The following CMTM8 variants were observed in gnomAD, a reference collection of about 807,000 sequenced individuals.
CMTM8 encodes the protein CKLF like MARVEL transmembrane domain containing 8.
Under a neutral mutation model 18.6 loss-of-function variants are expected in CMTM8, and 12 were observed. That is an observed-to-expected ratio of 0.65 (90% CI 0.41 to 1.05). CMTM8 has a LOEUF of 1.05. CMTM8 is among the 50% of genes least tolerant of loss of function. CMTM8 has a pLI of 0.00. For synonymous variants in CMTM8, 87 were observed against 90.6 expected (o/e 0.96, Z 0.23); for missense variants, 217 against 227.2 (o/e 0.95, Z 0.29).
At chr3:32,283,580 C>T (rs1702636639) in intron 1 of CMTM8, among the ~76,000 whole-genome samples, 1 of 152,180 alleles carries the variant, frequency 6.6e-6, no homozygotes, top group South Asian at 2.1e-4. Flanking sequence ...CTAGGCATTT[C>T]AGGCCGGGCA....
intron 1 of CMTM8, among the ~76,000 whole-genome samples, chr3:32,240,858 G>A (rs890015009): frequency 6.6e-6 from 1 of 152,100 alleles, no homozygotes; most frequent in Non-Finnish European, 1.5e-5. Context: ...CACCATCATG[G>A]TTCACTGCCG....
intron 1 of CMTM8, among the ~76,000 whole-genome samples, chr3:32,310,764 A>G (rs972351421): frequency 6.6e-6 from 1 of 152,246 alleles, no homozygotes; most frequent in African/African-American, 2.4e-5. Flanking sequence ...TTTTCAGGTT[A>G]TACAAGTATA....
chr3:32,362,046 CT>C (rs60064096), intron 2 of CMTM8, among the ~76,000 whole-genome samples: 3 of 92,070 alleles, frequency 3.3e-5, no homozygotes, highest in East Asian at 6.2e-4. Flanking sequence ...ATTTTCTTTT[CT>C]TTTTTTTTTT....
intron 2 of CMTM8, among the ~76,000 whole-genome samples, chr3:32,364,110 C>A (rs997841666): frequency 1.3e-5 from 2 of 152,190 alleles, no homozygotes; most frequent in Admixed American, 6.5e-5. Context: ...GTGGCTCATG[C>A]CTTGTAATCC....
chr3:32,244,335 A>G (rs1300747543), intron 1 of CMTM8, among the ~76,000 whole-genome samples: 2 of 152,188 alleles, frequency 1.3e-5, no homozygotes, highest in Non-Finnish European at 2.9e-5. Context: ...GATTACAGAC[A>G]TGCACTGCCA....
intron 1 of CMTM8, among the ~76,000 whole-genome samples, chr3:32,246,244 C>A (rs946059617): frequency 3.8e-4 from 57 of 151,632 alleles, no homozygotes; most frequent in African/African-American, 1.3e-3. Flanking sequence ...TATTAAGGGC[C>A]CCCCTGCCAT....
chr3:32,277,011 A>G (rs965038318), intron 1 of CMTM8, among the ~76,000 whole-genome samples: 3 of 151,812 alleles, frequency 2.0e-5, no homozygotes, highest in African/African-American at 2.4e-5. Context: ...CGACCTCCCA[A>G]TAAGCTGGGA....
intron 1 of CMTM8, among the ~76,000 whole-genome samples, chr3:32,299,107 C>T (rs1404187437): frequency 1.3e-5 from 2 of 151,510 alleles, no homozygotes; most frequent in African/African-American, 2.4e-5. Context: ...GCTTCAAATC[C>T]CTCTTGGGAT....
intron 1 of CMTM8, among the ~76,000 whole-genome samples, chr3:32,285,226 G>T (rs894175540): frequency 6.6e-6 from 1 of 152,116 alleles, no homozygotes; most frequent in African/African-American, 2.4e-5. Context: ...AATAATAGTG[G>T]TGCAGTGGCT....
chr3:32,268,446 G>C (rs989787851), intron 1 of CMTM8, among the ~76,000 whole-genome samples: 1 of 152,154 alleles, frequency 6.6e-6, no homozygotes, highest in African/African-American at 2.4e-5. Flanking sequence ...GCCTGTTGTG[G>C]GGTAGGGGGA....
chr3:32,258,788 T>G (rs1702209931), intron 1 of CMTM8, among the ~76,000 whole-genome samples: 2 of 152,188 alleles, frequency 1.3e-5, no homozygotes, highest in Non-Finnish European at 2.9e-5. Flanking sequence ...CATAGTGACT[T>G]TATTTACAAA....
intron 1 of CMTM8, among the ~76,000 whole-genome samples, chr3:32,287,130 A>G (rs769793884): frequency 3.9e-5 from 6 of 152,240 alleles, no homozygotes; most frequent in Admixed American, 1.3e-4. Context: ...TACTGACCCA[A>G]TCCATTACAA....
At chr3:32,289,397 T>TC (rs1702742658) in intron 1 of CMTM8, among the ~76,000 whole-genome samples, 1 of 152,130 alleles carries the variant, frequency 6.6e-6, no homozygotes, top group African/African-American at 2.4e-5. Flanking sequence ...TGATGACTTT[T>TC]CCCCAAATGA....
chr3:32,332,897 T>C (rs1696307856), intron 1 of CMTM8, among the ~76,000 whole-genome samples: 1 of 152,160 alleles, frequency 6.6e-6, no homozygotes, highest in African/African-American at 2.4e-5. Context: ...TGTTATCCTC[T>C]CCCCTTCTCC....
chr3:32,351,095 A>G (rs1414000445), intron 1 of CMTM8, among the ~76,000 whole-genome samples: 1 of 152,248 alleles, frequency 6.6e-6, no homozygotes, highest in Non-Finnish European at 1.5e-5. Flanking sequence ...GCTAAAATAC[A>G]TGAAATACAT....
intron 1 of CMTM8, among the ~76,000 whole-genome samples, chr3:32,245,889 C>T (rs2125528122): frequency 6.6e-6 from 1 of 152,230 alleles, no homozygotes; most frequent in East Asian, 1.9e-4. Flanking sequence ...AACCTTAGCT[C>T]ACTGCAACCT....
At chr3:32,242,774 T>A (rs1393173393) in intron 1 of CMTM8, among the ~76,000 whole-genome samples, 1 of 152,216 alleles carries the variant, frequency 6.6e-6, no homozygotes, top group Non-Finnish European at 1.5e-5. Flanking sequence ...GGGCACCTGG[T>A]GTGTTCTCTC....
Position 32,239,055 on chromosome 3 carries a change from G to A in CMTM8, c.83G>A (p.Ser28Asn). The change falls in exon 1 of 4, where the codon AGC becomes AAC. Residue 28 changes from serine to asparagine, a missense_variant. By Grantham distance (46) the Ser-to-Asn change is conservative (BLOSUM62 1). Transcript: ENST00000307526. ...SFAENFSTSS[S>N]SFAYDREFLR... ...GCAGAGAACTTCTCCACCAGCAGCA[G>A]CAGCTTCGCCTACGACCGGGAGTTC... 6.3e-7 allele frequency: 1 copy of A among 1,595,016 alleles called. No individual in the cohort carries two copies. The highest frequency in any genetic ancestry group is 8.5e-7 in the Non-Finnish European group (1 of 1,171,390).
rs544235281 is a variant in CMTM8 at position 32,345,973 on chromosome 3, G to A, written c.148-11400G>A. Among the ~76,000 whole-genome samples, 26 of 152,270 alleles carry A rather than the reference G, an allele frequency of 1.7e-4. No homozygotes were observed. The South Asian group carries it at 5.4e-3, about 32-fold the overall frequency. On this transcript the variant is annotated intron_variant, in intron 1 of 3. Coordinates refer to ENST00000307526, the MANE Select transcript of CMTM8 (RefSeq NM_178868.5). Reference sequence around the variant, plus strand: ...AGTTTGCAACCAGCCCAACCAACATGGTGAAACTCCGTCTCTACTAAAAAT... The same window carrying A: ...AGTTTGCAACCAGCCCAACCAACATAGTGAAACTCCGTCTCTACTAAAAAT...
Sources: allele counts gnomAD v4.1 joint callset (sites outside exome capture counted in the v4.1 genomes callset), GRCh38; gene constraint gnomAD v4.1.1; transcripts MANE v1.5; gene names NCBI Gene and HGNC (gene_info 2026-07-23, HGNC 2026-07-21).